Variants in PAN3 observed in about 807,000 individuals in gnomAD.
PAN3 encodes poly(A) specific ribonuclease subunit PAN3.
PAN3 carries 19 observed loss-of-function variants against 96.2 expected under a neutral mutation model. That is an observed-to-expected ratio of 0.20 (90% CI 0.14 to 0.29). The LOEUF is 0.29. PAN3 is among the 10% of genes least tolerant of loss of function. The pLI is 1.00. For missense variants in PAN3, 882 were observed against 1,108.1 expected (o/e 0.80, Z 2.90); for synonymous variants, 433 against 406.6 (o/e 1.06, Z -0.78).
At chr13:28,216,830 A>G (rs1593493274) in intron 5 of PAN3, among the ~76,000 whole-genome samples, 1 of 151,748 alleles carries the variant, frequency 6.6e-6, no homozygotes, top group East Asian at 1.9e-4. Flanking sequence ...AAAAAAAAAA[A>G]TTAGGCCAGG....
chr13:28,230,992 T>TA (rs1882497285), intron 6 of PAN3, among the ~76,000 whole-genome samples: 1 of 152,334 alleles, frequency 6.6e-6, no homozygotes, highest in African/African-American at 2.4e-5. Flanking sequence ...GCCACCATTG[T>TA]AGAGTCTAGG....
At chr13:28,211,797 T>C (rs1419791084) in intron 5 of PAN3, among the ~76,000 whole-genome samples, 9 of 152,172 alleles carry the variant, frequency 5.9e-5, no homozygotes, top group Admixed American at 2.0e-4. Flanking sequence ...ACATGAGATA[T>C]CAGACAGTGA....
rs1870024779 is a variant in PAN3, at chr13:28,293,559, T to C, written c.*1037T>C. 3 of 152,474 alleles carry C rather than the reference T, an allele frequency of 2.0e-5. No individual in the cohort carries two copies. Among genetic ancestry groups the C allele is most frequent in the African/African-American group, 7.3e-5 (3 of 41,372 alleles). The allele number at this position is 152,474 out of a possible 1,614,324, so 9.4% of individuals were successfully genotyped here. On this transcript the variant is annotated 3_prime_UTR_variant, in exon 19 of 19. Transcript: ENST00000380958. ...CTGGTATCAAGAGCTTTCTGATGTTTTACAGCCTGAATTTGGAGGGATAAC... is the reference window on the plus strand; with the variant it reads ...CTGGTATCAAGAGCTTTCTGATGTTCTACAGCCTGAATTTGGAGGGATAAC...
chr13:28,252,021 G>A (rs1220580220), intron 6 of PAN3, among the ~76,000 whole-genome samples: 1 of 151,856 alleles, frequency 6.6e-6, no homozygotes, highest in African/African-American at 2.4e-5. Context: ...CTGAGCAGCT[G>A]GGATTACAGG....
At chr13:28,263,089 C>T (rs1274885945) in intron 9 of PAN3, among the ~76,000 whole-genome samples, 5 of 152,018 alleles carry the variant, frequency 3.3e-5, no homozygotes, top group East Asian at 1.9e-4. Context: ...TAAAGGGCCA[C>T]GACCATCCAA....
rs115822878 is a variant in PAN3, at chr13:28,173,533, A to G, written c.431-739A>G. Among the ~76,000 whole-genome samples the G allele has an allele frequency of 6.9e-3, 1,044 of 152,304 alleles. 11 individuals carry two copies. The highest frequency in any genetic ancestry group is 0.024 in the African/African-American group (1,009 of 41,562). On this transcript the variant is annotated intron_variant, in intron 1 of 18. Coordinates refer to ENST00000380958, the MANE Select transcript of PAN3 (RefSeq NM_175854.8). ...TTACCTCAGATTGTTTTCCAAAGAG[A>G]CCCAACATCCCTTCTATCCACATTT...
At chr13:28,157,397 CA>C (rs1872331688) in intron 1 of PAN3, among the ~76,000 whole-genome samples, 1 of 152,074 alleles carries the variant, frequency 6.6e-6, no homozygotes, top group Admixed American at 6.6e-5. Flanking sequence ...AAAAGGTATC[CA>C]AATAAGAAGA....
chr13:28,271,684 A>T (rs891090242), intron 13 of PAN3, among the ~76,000 whole-genome samples: 2 of 152,204 alleles, frequency 1.3e-5, no homozygotes, highest in African/African-American at 4.8e-5. Context: ...TGAATGACTA[A>T]TAAACAGCTT....
chr13:28,271,973 C>T lies in PAN3; in HGVS notation c.1959-8C>T, dbSNP rs750389464. ...AATTATTTTCTTTAAATTATCTGGTCCTTAAAGGTTGCGAGTAAATTGTGT... is the reference window on the plus strand; with the variant it reads ...AATTATTTTCTTTAAATTATCTGGTTCTTAAAGGTTGCGAGTAAATTGTGT... On this transcript the variant is annotated splice_region_variant and splice_polypyrimidine_tract_variant and intron_variant, in intron 13 of 18. Coordinates refer to ENST00000380958, the MANE Select transcript of PAN3 (RefSeq NM_175854.8). 18 of 1,524,264 alleles carry T rather than the reference C, an allele frequency of 1.2e-5. No individual in the cohort carries two copies. Among genetic ancestry groups the T allele is most frequent in the Non-Finnish European group, 1.5e-5 (17 of 1,121,688 alleles). The allele number at this position is 1,524,264 out of a possible 1,614,324, so 94.4% of individuals were successfully genotyped here.
intron 9 of PAN3, among the ~76,000 whole-genome samples, chr13:28,262,754 T>C (rs1885844730): frequency 6.6e-6 from 1 of 152,248 alleles, no homozygotes; most frequent in South Asian, 2.1e-4. Flanking sequence ...AATACATCAG[T>C]TGCATTTCTG....
intron 4 of PAN3, among the ~76,000 whole-genome samples, chr13:28,187,341 A>T (rs1212617201): frequency 6.6e-6 from 1 of 151,732 alleles, no homozygotes; most frequent in Admixed American, 6.6e-5. Flanking sequence ...AAATACAACA[A>T]TTTTTTTCAC....
intron 5 of PAN3, among the ~76,000 whole-genome samples, chr13:28,205,861 T>TAA (rs369273234): frequency 9.8e-5 from 13 of 133,168 alleles, no homozygotes; most frequent in African/African-American, 1.1e-4. Context: ...AACTGTTTCT[T>TAA]AAAAAAAAAA....
chr13:28,176,693 A>T, intron 3 of PAN3, 134 bp downstream of exon 3: 1 of 846,824 alleles, frequency 1.2e-6, no homozygotes, highest in Non-Finnish European at 1.8e-6. Context: ...TTATCTTCCC[A>T]CTCAGATCTA....
At position 28,151,850 on chromosome 13, in the gene PAN3, T is replaced by C. The variant is rs1871405244; in HGVS notation, c.430+12763T>C. Among the ~76,000 whole-genome samples the C allele has an allele frequency of 2.0e-5, 3 of 152,240 alleles. 1 individual carries two copies. The South Asian group carries it at 6.2e-4, about 32-fold the overall frequency. ...TTTGAACATGTTACTTTGAGAGATA[T>C]ATTAGCCATTCAAGTGGAGATTTTG... is the stretch of plus-strand genomic sequence containing the variant. On this transcript the variant is annotated intron_variant, in intron 1 of 18. Transcript: ENST00000380958.
chr13:28,204,211 C>T (rs1879088676), intron 5 of PAN3, among the ~76,000 whole-genome samples: 1 of 152,180 alleles, frequency 6.6e-6, no homozygotes, highest in African/African-American at 2.4e-5. Flanking sequence ...CTTCATTTCA[C>T]CTAAGTGCAA....
intron 1 of PAN3, among the ~76,000 whole-genome samples, chr13:28,158,680 CA>C (rs1872525320): frequency 1.3e-5 from 2 of 152,056 alleles, no homozygotes; most frequent in Non-Finnish European, 2.9e-5. Context: ...AGATCAAGAC[CA>C]TCCTGGCTAA....
intron 6 of PAN3, among the ~76,000 whole-genome samples, chr13:28,239,142 C>CT: frequency 4.0e-5 from 1 of 25,186 alleles, no homozygotes. Context: ...ATCCCACCCC[C>CT]CCCACCCCCC....
chr13:28,266,387 G>T (rs1203027696), intron 9 of PAN3, among the ~76,000 whole-genome samples: 1 of 152,076 alleles, frequency 6.6e-6, no homozygotes, highest in Non-Finnish European at 1.5e-5. Flanking sequence ...TAAAATGTTT[G>T]CTCCAGAAAA....
intron 6 of PAN3, among the ~76,000 whole-genome samples, chr13:28,224,255 TTAAC>T (rs1413613999): frequency 2.6e-5 from 4 of 152,330 alleles, no homozygotes; most frequent in African/African-American, 9.6e-5. Flanking sequence ...GTAGACATAG[TTAAC>T]TAAGTCTTCG....
Sources: gnomAD v4.1 joint callset for allele counts (sites outside exome capture counted in the v4.1 genomes callset) on GRCh38, gnomAD v4.1.1 for gene constraint, MANE v1.5 for transcripts, NCBI Gene and HGNC (gene_info 2026-07-23, HGNC 2026-07-21) for gene names.